METTL15: variants seen among roughly 807,000 people sequenced by gnomAD.
METTL15 encodes the protein 12S rRNA N(4)-cytidine methyltransferase METTL15.
METTL15 carries 34 observed loss-of-function variants against 38.3 expected under a neutral mutation model. That is an observed-to-expected ratio of 0.89 (90% CI 0.68 to 1.18). The LOEUF is 1.18. METTL15 is among the 50% of genes most tolerant of loss of function. The pLI is 0.00. For synonymous variants in METTL15, 162 were observed against 170.9 expected, an observed-to-expected ratio of 0.95 and a Z score of 0.41; for missense variants, 438 against 498.4, an observed-to-expected ratio of 0.88 and a Z score of 1.15.
At chr11:28,398,813 T>C (rs535328717) in intron 5 of METTL15, 2 of 152,184 alleles carry the variant, frequency 1.3e-5, no homozygotes, top group Admixed American at 1.3e-4. Context: ...CACAAACAAA[T>C]GGAAAAACAT....
At chr11:28,489,444 T>G (rs904077863) in intron 6 of METTL15, among the ~76,000 whole-genome samples, 1 of 152,160 alleles carries the variant, frequency 6.6e-6, no homozygotes, top group Non-Finnish European at 1.5e-5. Context: ...ACAGGACATG[T>G]CAACCAAATA....
At chr11:28,153,110 G>A (rs551813662) in intron 3 of METTL15, among the ~76,000 whole-genome samples, 1 of 152,142 alleles carries the variant, frequency 6.6e-6, no homozygotes, top group African/African-American at 2.4e-5. Context: ...GTTTGGGCCA[G>A]CTTCTTTACA....
At chr11:28,305,259 G>A (rs1278428803) in intron 6 of METTL15, among the ~76,000 whole-genome samples, 2 of 152,126 alleles carry the variant, frequency 1.3e-5, no homozygotes, top group South Asian at 4.1e-4. Flanking sequence ...AAGTCTAGCT[G>A]TTCTCAGTTT....
At chr11:28,345,198 G>A (rs775758486) in intron 3 of METTL15, among the ~76,000 whole-genome samples, 1 of 152,026 alleles carries the variant, frequency 6.6e-6, no homozygotes. Flanking sequence ...TGTTGTCGTT[G>A]TTATCATTGA....
At chr11:28,183,047 G>A (rs545002180) in intron 3 of METTL15, among the ~76,000 whole-genome samples, 1 of 152,080 alleles carries the variant, frequency 6.6e-6, no homozygotes, top group East Asian at 1.9e-4. Context: ...CTCAATATTT[G>A]GCTCTCTGTT....
chr11:28,380,028 GCT>G lies in METTL15; in HGVS notation c.*358+17995_*358+17996del, dbSNP rs572589609. 2.9e-4 allele frequency among the ~76,000 whole-genome samples: 44 copies of G among 151,844 alleles called. 2 individuals are homozygous for G. Among genetic ancestry groups the G allele is most frequent in the Admixed American group, 2.6e-3 (39 of 15,228 alleles). On this transcript the variant is annotated intron_variant and NMD_transcript_variant, in intron 5 of 7. Coordinates refer to the METTL15 transcript ENST00000532947. ...ATCTGATATAAATGTAGCTATTCCTGCTCTTTTTTTGGTTTATTTCCATAGAA... is the reference window on the plus strand; with the variant it reads ...ATCTGATATAAATGTAGCTATTCCTGCTTTTTTTGGTTTATTTCCATAGAA...
intron 6 of METTL15, among the ~76,000 whole-genome samples, chr11:28,471,594 C>G (rs1189488938): frequency 1.3e-5 from 2 of 152,044 alleles, no homozygotes; most frequent in African/African-American, 4.8e-5. Flanking sequence ...TTCCAGCTCC[C>G]CCATCATGCA....
Position 28,354,672 on chromosome 11 carries a change from AGGTCAG to A in METTL15, c.*258+2517_*258+2522del, listed in dbSNP as rs1339975357. Among the ~76,000 whole-genome samples the A allele has an allele frequency of 4.6e-5, 7 of 152,310 alleles. No homozygotes were observed. In the South Asian group the frequency reaches 1.5e-3, roughly 32 times the overall value. On this transcript the variant is annotated intron_variant and NMD_transcript_variant, in intron 4 of 7. Transcript: ENST00000532947. ...GCTCATTCAACAACAGAAGCAAGAA[AGGTCAG>A]GGCAGTGAATATTTCTACTCACATA... is the stretch of plus-strand genomic sequence containing the variant.
intron 4 of METTL15, among the ~76,000 whole-genome samples, chr11:28,283,843 A>G (rs1387031673): frequency 6.6e-6 from 1 of 152,184 alleles, no homozygotes; most frequent in African/African-American, 2.4e-5. Context: ...ACAGGATGTT[A>G]CTTTTCTGTT....
At position 28,466,620 on chromosome 11, in the gene METTL15, G is replaced by A. The variant is rs144584042; in HGVS notation, c.*424+42256G>A. 3.3e-3 allele frequency among the ~76,000 whole-genome samples: 507 copies of A among 152,252 alleles called. 1 individual carries two copies. The highest frequency in any genetic ancestry group is 0.012 in the African/African-American group (496 of 41,532). On this transcript the variant is annotated intron_variant and NMD_transcript_variant, in intron 6 of 7. Transcript: ENST00000532947. ...TGTCAACCCCAGCCTCACTCCTTCC[G>A]TCCGGCTAAGGTGCTGCGGCTCCCT... is the stretch of plus-strand genomic sequence containing the variant.
chr11:28,332,613 T>C lies in METTL15; in HGVS notation c.*1772T>C, dbSNP rs1479698149. 5 of 148,498 alleles carry C rather than the reference T, an allele frequency of 3.4e-5. No homozygotes were observed. The highest frequency in any genetic ancestry group is 2.1e-4 in the South Asian group (1 of 4,688). 9.2% of individuals were successfully genotyped at this position (148,498 alleles called of 1,614,324 possible). ...GTTGTAAGTAGCTAAGATGAGGTCA[T>C]ACTGGAGCAGGGCAGGCCCTTAATC... is the stretch of plus-strand genomic sequence containing the variant. On this transcript the variant is annotated 3_prime_UTR_variant, in exon 7 of 7. Transcript: ENST00000407364.
chr11:28,498,348 C>T (rs1193030299), intron 6 of METTL15, among the ~76,000 whole-genome samples: 4 of 152,012 alleles, frequency 2.6e-5, no homozygotes, highest in African/African-American at 9.7e-5. Context: ...TTAGTAGAGA[C>T]AGGATTTCAC....
intron 3 of METTL15, among the ~76,000 whole-genome samples, chr11:28,158,697 G>A (rs1317826420): frequency 6.6e-6 from 1 of 152,116 alleles, no homozygotes; most frequent in Non-Finnish European, 1.5e-5. Flanking sequence ...TATTCCACAC[G>A]GCATTGCTTC....
intron 3 of METTL15, among the ~76,000 whole-genome samples, chr11:28,208,250 G>A (rs1852454453): frequency 6.6e-6 from 1 of 152,096 alleles, no homozygotes; most frequent in Non-Finnish European, 1.5e-5. Flanking sequence ...GGCATTTAGT[G>A]CTATAAATTT....
At chr11:28,186,614 G>A (rs192830681) in intron 3 of METTL15, among the ~76,000 whole-genome samples, 11 of 151,110 alleles carry the variant, frequency 7.3e-5, no homozygotes, top group Admixed American at 2.6e-4. Flanking sequence ...TGTGTTATAG[G>A]TGAAAATAGT....
intron 6 of METTL15, among the ~76,000 whole-genome samples, chr11:28,514,794 T>G (rs1851706029): frequency 6.6e-6 from 1 of 152,216 alleles, no homozygotes; most frequent in African/African-American, 2.4e-5. Flanking sequence ...AGAATTTTAC[T>G]ACACTCTGAG....
At chr11:28,479,895 C>T (rs1464596887) in intron 6 of METTL15, among the ~76,000 whole-genome samples, 1 of 152,168 alleles carries the variant, frequency 6.6e-6, no homozygotes, top group Non-Finnish European at 1.5e-5. Flanking sequence ...TGGACTAAAT[C>T]TAACAAAGTG....
chr11:28,119,459 G>A (rs542132498), intron 3 of METTL15, among the ~76,000 whole-genome samples: 1 of 152,270 alleles, frequency 6.6e-6, no homozygotes, highest in East Asian at 1.9e-4. Flanking sequence ...TTCAGCGTCA[G>A]TATGGCAGGC....
intron 5 of METTL15, among the ~76,000 whole-genome samples, chr11:28,420,431 A>C (rs1850809381): frequency 6.6e-6 from 1 of 152,152 alleles, no homozygotes; most frequent in Admixed American, 6.5e-5. Flanking sequence ...CTTTCCCTTA[A>C]CAAATGGATC....
Sources: gnomAD v4.1 joint callset for allele counts (sites outside exome capture counted in the v4.1 genomes callset) on GRCh38, gnomAD v4.1.1 for gene constraint, MANE v1.5 for transcripts, NCBI Gene and HGNC (gene_info 2026-07-23, HGNC 2026-07-21) for gene names.